Variants in KCTD20 observed in about 807,000 individuals in gnomAD.
The protein encoded by KCTD20 is potassium channel tetramerization domain containing 20.
A neutral mutation model predicts 39.6 loss-of-function variants in KCTD20; 30 were observed. That is an observed-to-expected ratio of 0.76 (90% CI 0.57 to 1.03). The LOEUF is 1.03. Ranked by LOEUF, KCTD20 falls within the 50% of genes least tolerant of loss-of-function variation. The pLI, the probability that KCTD20 is intolerant of heterozygous loss-of-function variation, is 0.00. For synonymous variants in KCTD20, 162 were observed against 180.6 expected, an observed-to-expected ratio of 0.90 and a Z score of 0.83; for missense variants, 422 against 522.0, an observed-to-expected ratio of 0.81 and a Z score of 1.87.
At position 36,458,847 on chromosome 6, in the gene KCTD20, A is replaced by G. The variant is rs187512196; in HGVS notation, c.-46-11205A>G. 3.3e-3 allele frequency among the ~76,000 whole-genome samples: 494 copies of G among 151,058 alleles called. 1 individual carries two copies. Among genetic ancestry groups the G allele is most frequent in the African/African-American group, 9.7e-3 (401 of 41,288 alleles). On this transcript the variant is annotated intron_variant, in intron 1 of 7. Coordinates refer to ENST00000373731, the MANE Select transcript of KCTD20 (RefSeq NM_173562.5). ...CTCTACAGAATAATTTAAAAAGGGG[A>G]AAAAAAAATTAGCCAGGCATGGTGG...
chr6:36,470,878 G>A (rs573877861), intron 2 of KCTD20, among the ~76,000 whole-genome samples: 1 of 152,128 alleles, frequency 6.6e-6, no homozygotes, highest in African/African-American at 2.4e-5. Context: ...GGCCCGGCAC[G>A]GTGGCTCACG....
Position 36,487,227 on chromosome 6 carries a change from G to A in KCTD20, c.*52G>A, listed in dbSNP as rs768117089. 10 of 1,550,656 alleles carry A rather than the reference G, an allele frequency of 6.4e-6. No homozygotes were observed. In the Admixed American group the frequency reaches 1.7e-4, roughly 26 times the overall value. ...GGAGCCCATCTCACCTGGGATGCCT[G>A]CAGCCAGCCCTCCCTCGTGATTTGT... On this transcript the variant is annotated 3_prime_UTR_variant, in exon 8 of 8. Coordinates refer to ENST00000373731, the MANE Select transcript of KCTD20 (RefSeq NM_173562.5).
rs763107257 is a variant in KCTD20, at chr6:36,474,936, G to T, written c.308G>T (p.Ser103Ile). 1.9e-6 allele frequency: 3 copies of T among 1,614,164 alleles called. No homozygotes were observed. The highest frequency in any genetic ancestry group is 2.5e-6 in the Non-Finnish European group (3 of 1,180,032). The change falls in exon 3 of 8, where the codon AGT becomes ATT. Residue 103 changes from serine (S) to isoleucine (I), a missense_variant. Coordinates refer to ENST00000373731, the MANE Select transcript of KCTD20 (RefSeq NM_173562.5). Reference sequence around the variant, plus strand: ...ATTGCTCCAGAAAGATTTGGAAACAGTAGTGTGGGCTTTGGCAGTAATTCC... The same window carrying T: ...ATTGCTCCAGAAAGATTTGGAAACATTAGTGTGGGCTTTGGCAGTAATTCC... ...PFIAPERFGN[S>I]SVGFGSNSHS...
intron 1 of KCTD20, among the ~76,000 whole-genome samples, chr6:36,455,259 TTAGC>T (rs1224968802): frequency 6.6e-6 from 1 of 151,974 alleles, no homozygotes; most frequent in Non-Finnish European, 1.5e-5. Flanking sequence ...AATACAAAAA[TTAGC>T]TGGGTGTGGT....
In KCTD20 at chr6:36,470,033, G is replaced by A; in HGVS notation, c.-46-19G>A. The A allele has an allele frequency of 1.4e-6, 2 of 1,382,476 alleles. No homozygotes were observed. The highest frequency in any genetic ancestry group is 2.0e-6 in the Non-Finnish European group (2 of 1,023,730). The allele number at this position is 1,382,476 out of a possible 1,614,324, so 85.6% of individuals were successfully genotyped here. A position where few individuals can be genotyped will look rare whatever the true frequency, so the allele number is the denominator to read the frequency against. ...ATCTGTTTTGTGAGTTCTAAATCAT[G>A]CATATTCCTGTGTTCCAGGATTTCT... On this transcript the variant is annotated intron_variant, in intron 1 of 7. Coordinates refer to ENST00000373731, the MANE Select transcript of KCTD20 (RefSeq NM_173562.5).
intron 1 of KCTD20, among the ~76,000 whole-genome samples, chr6:36,453,084 G>A (rs1457156097): frequency 1.4e-5 from 2 of 139,430 alleles, no homozygotes; most frequent in South Asian, 2.4e-4. Flanking sequence ...CTTGGCTCAC[G>A]GCAACCTCCG....
intron 1 of KCTD20, among the ~76,000 whole-genome samples, chr6:36,455,594 AGTGTGTGTGT>A (rs71737281): frequency 4.0e-5 from 6 of 150,370 alleles, no homozygotes; most frequent in Non-Finnish European, 7.4e-5. Context: ...TAGAACCAGT[AGTGTGTGTGT>A]GTGTGTGTGT....
intron 1 of KCTD20, among the ~76,000 whole-genome samples, chr6:36,450,163 T>TAAAA (rs576681021): frequency 0.01 from 1,058 of 105,644 alleles, 16 homozygotes; most frequent in East Asian, 0.045. Flanking sequence ...GACTCCGTCC[T>TAAAA]AAAAAAAAAA....
intron 1 of KCTD20, among the ~76,000 whole-genome samples, chr6:36,455,407 AAAAAC>A (rs536271439): frequency 1.1e-4 from 16 of 152,102 alleles, no homozygotes; most frequent in Admixed American, 2.0e-4. Flanking sequence ...GACTCCGTCT[AAAAAC>A]AAAAACAGAA....
chr6:36,443,964 T>G (rs1383634221), intron 1 of KCTD20, among the ~76,000 whole-genome samples: 2 of 152,230 alleles, frequency 1.3e-5, no homozygotes, highest in Non-Finnish European at 2.9e-5. Flanking sequence ...AGTTTTTTAA[T>G]GGTCTTCAAA....
intron 1 of KCTD20, among the ~76,000 whole-genome samples, chr6:36,450,311 A>T (rs932634807): frequency 6.6e-6 from 1 of 151,846 alleles, no homozygotes; most frequent in Non-Finnish European, 1.5e-5. Context: ...AACATGACGA[A>T]ACCCTGTCTC....
chr6:36,468,529 A>G (rs963488488), intron 1 of KCTD20, among the ~76,000 whole-genome samples: 5 of 152,228 alleles, frequency 3.3e-5, no homozygotes, highest in Admixed American at 6.5e-5. Flanking sequence ...TTAAGATTAA[A>G]GAAGCAGACC....
intron 6 of KCTD20, among the ~76,000 whole-genome samples, chr6:36,482,280 G>A (rs1362477354): frequency 6.6e-6 from 1 of 152,172 alleles, no homozygotes. Context: ...TGGGCCGGGC[G>A]CGGTAGCTCA....
intron 1 of KCTD20, among the ~76,000 whole-genome samples, chr6:36,456,372 G>A (rs1398373850): frequency 1.3e-5 from 2 of 152,048 alleles, no homozygotes; most frequent in East Asian, 1.9e-4. Context: ...TCTGCCTCCC[G>A]GGTTCAAGCG....
At position 36,487,039 on chromosome 6, in the gene KCTD20, T is replaced by TCA; in HGVS notation, c.1126_1127dup (p.Asn377ArgfsTer4). 6.2e-7 allele frequency: 1 copy of TCA among 1,614,228 alleles called. No homozygotes were observed. The highest frequency in any genetic ancestry group is 8.5e-7 in the Non-Finnish European group (1 of 1,180,050). ...TTCCAGTGTGTTCGAAGCAAATCCC[T>TCA]CACGAATCTGGTAGCTGCTGGAGAT... On this transcript the variant is annotated frameshift_variant, in exon 8 of 8. Transcript: ENST00000373731. LOFTEE classifies it high-confidence loss of function.
At chr6:36,484,356 T>G (rs1429025271) in intron 6 of KCTD20, among the ~76,000 whole-genome samples, 1 of 151,590 alleles carries the variant, frequency 6.6e-6, no homozygotes, top group Admixed American at 6.6e-5. Context: ...AAAGCTCTAT[T>G]TGTGGCAGCT....
rs1294536534 is a variant in KCTD20, at chr6:36,479,190, A to G, written c.504A>G (p.Glu168=). ...AGAAGGGAGAGTATGAGATTGCTGA[A>G]GGCATCAGTGCAACTGTATTTCGCA... The part of the protein sequence containing the change: ...PNEKGEYEIA[E]GISATVFRTV... The change falls in exon 4 of 8, where the codon GAA becomes GAG. Residue 168 remains glutamate, a synonymous_variant. Transcript: ENST00000373731. The G allele has an allele frequency of 6.2e-7, 1 of 1,614,032 alleles. No individual in the cohort carries two copies.
At chr6:36,476,093 A>T (rs1172580509) in intron 3 of KCTD20, among the ~76,000 whole-genome samples, 1 of 152,228 alleles carries the variant, frequency 6.6e-6, no homozygotes, top group African/African-American at 2.4e-5. Flanking sequence ...CCTACTAAGG[A>T]GGAACACTGT....
chr6:36,444,209 T>C (rs1774967335), intron 1 of KCTD20, among the ~76,000 whole-genome samples: 1 of 152,146 alleles, frequency 6.6e-6, no homozygotes, highest in Non-Finnish European at 1.5e-5. Flanking sequence ...GGTCTGTTAC[T>C]GATGATCCAG....
Sources: allele counts gnomAD v4.1 joint callset (sites outside exome capture counted in the v4.1 genomes callset), GRCh38; gene constraint gnomAD v4.1.1; transcripts MANE v1.5; gene names NCBI Gene and HGNC (gene_info 2026-07-23, HGNC 2026-07-21).